The following MYO5B variants were observed in gnomAD, a reference collection of about 807,000 sequenced individuals.
The protein encoded by MYO5B is unconventional myosin-Vb.
Under a neutral mutation model 229.3 loss-of-function variants are expected in MYO5B, and 143 were observed. That is an observed-to-expected ratio of 0.62 (90% CI 0.54 to 0.72). The LOEUF (loss-of-function observed/expected upper bound fraction) is 0.72. MYO5B is among the 30% of genes least tolerant of loss of function. The probability of loss-of-function intolerance (pLI) is 0.00; values close to 1 mark genes in which losing one functional copy is unlikely to be tolerated. For synonymous variants in MYO5B, 918 were observed against 885.2 expected (o/e 1.04, Z -0.66); for missense variants, 2,321 against 2,331.0 (o/e 1.00, Z 0.09).
chr18:50,164,109 C>T (rs1008663072), intron 1 of MYO5B, among the ~76,000 whole-genome samples: 1 of 152,184 alleles, frequency 6.6e-6, no homozygotes, highest in Non-Finnish European at 1.5e-5. Context: ...GACAAGGTAG[C>T]TATCCTGATG....
chr18:50,148,622 C>CA (rs1389298832), intron 1 of MYO5B, among the ~76,000 whole-genome samples: 2 of 152,154 alleles, frequency 1.3e-5, no homozygotes, highest in African/African-American at 4.8e-5. Flanking sequence ...AGGTCTTTGA[C>CA]AAAATTCAAC....
intron 7 of MYO5B, among the ~76,000 whole-genome samples, chr18:49,985,985 C>T (rs923589505): frequency 2.0e-5 from 3 of 152,176 alleles, no homozygotes; most frequent in African/African-American, 4.8e-5. Flanking sequence ...TGCTTCTGCA[C>T]CCGTCCCTTC....
intron 17 of MYO5B, among the ~76,000 whole-genome samples, chr18:49,927,560 A>C (rs1258681160): frequency 2.6e-5 from 4 of 152,240 alleles, no homozygotes; most frequent in African/African-American, 9.6e-5. Flanking sequence ...TGTATAGACC[A>C]ATGGAACAGA....
chr18:50,113,168 A>G (rs2031897039), intron 1 of MYO5B, among the ~76,000 whole-genome samples: 1 of 151,976 alleles, frequency 6.6e-6, no homozygotes, highest in Admixed American at 6.5e-5. Context: ...TCCATTCTCA[A>G]AAAATATTTG....
intron 2 of MYO5B, among the ~76,000 whole-genome samples, chr18:50,054,188 G>A (rs750244107): frequency 2.6e-5 from 4 of 152,052 alleles, no homozygotes; most frequent in Non-Finnish European, 5.9e-5. Context: ...CTTGGTCACC[G>A]CACCCTGAAT....
Position 49,902,661 on chromosome 18 carries a change from T to C in MYO5B, c.2744A>G (p.His915Arg). 3 of 1,613,418 alleles carry C rather than the reference T, an allele frequency of 1.9e-6. No homozygotes were observed. Among genetic ancestry groups the C allele is most frequent in the Non-Finnish European group, 2.5e-6 (3 of 1,180,040 alleles). The change falls in exon 21 of 40, where the codon CAT becomes CGT. Residue 915 changes from histidine (H) to arginine (R), a missense_variant. His to Arg is a conservative substitution (Grantham distance 29). Coordinates refer to ENST00000285039, the MANE Select transcript of MYO5B (RefSeq NM_001080467.3). ...ALRIEARSAE[H>R]LKRLNVGMEN... ...CATGCCCACGTTGAGACGTTTCAGA[T>C]GCTCTGCTGAGCGGGCCTCAATCCT...
chr18:50,142,869 T>C (rs767884046), intron 1 of MYO5B, among the ~76,000 whole-genome samples: 4 of 152,202 alleles, frequency 2.6e-5, no homozygotes, highest in Non-Finnish European at 5.9e-5. Context: ...AACAGCATCA[T>C]TCCAGTCATA....
chr18:50,068,975 CT>C (rs1332671314), intron 1 of MYO5B, among the ~76,000 whole-genome samples: 1 of 152,126 alleles, frequency 6.6e-6, no homozygotes, highest in African/African-American at 2.4e-5. Flanking sequence ...AGGCCTCTCT[CT>C]AATCAGAGAG....
rs1397453076 is a variant in MYO5B, at chr18:50,095,088, A to G, written c.28-39710T>C. On this transcript the variant is annotated intron_variant, in intron 1 of 39. Coordinates refer to ENST00000285039, the MANE Select transcript of MYO5B (RefSeq NM_001080467.3). ...CAAGTAATCCACTGACCTCAACCCCACAAAGTGCTGGGATTACAGGTGTGA... is the reference window on the plus strand; with the variant it reads ...CAAGTAATCCACTGACCTCAACCCCGCAAAGTGCTGGGATTACAGGTGTGA... 2.0e-5 allele frequency among the ~76,000 whole-genome samples: 3 copies of G among 152,134 alleles called. No individual in the cohort carries two copies. The East Asian group carries it at 5.8e-4, about 29-fold the overall frequency.
chr18:49,980,676 TC>T, intron 8 of MYO5B, 123 bp from the exon 9 acceptor site: 1 of 721,790 alleles, frequency 1.4e-6, no homozygotes, highest in Non-Finnish European at 2.5e-6. Flanking sequence ...ACCCGATGAC[TC>T]CTAAAATGAT....
intron 9 of MYO5B, among the ~76,000 whole-genome samples, chr18:49,975,488 C>T (rs1183660040): frequency 1.3e-5 from 2 of 152,168 alleles, no homozygotes; most frequent in East Asian, 3.9e-4. Flanking sequence ...CAAGCAGGCT[C>T]GCTTTCTTCT....
intron 1 of MYO5B, among the ~76,000 whole-genome samples, chr18:50,113,212 C>T (rs184034560): frequency 2.0e-5 from 3 of 152,208 alleles, no homozygotes; most frequent in East Asian, 3.9e-4. Context: ...TTCTAAGTAC[C>T]GGGCATAAAA....
intron 2 of MYO5B, among the ~76,000 whole-genome samples, chr18:50,052,600 A>G (rs2030426196): frequency 6.7e-6 from 1 of 149,764 alleles, no homozygotes; most frequent in African/African-American, 2.5e-5. Flanking sequence ...GATATACCTA[A>G]TGCTAATTGA....
Position 49,983,381 on chromosome 18 carries a change from T to C in MYO5B, c.946+1337A>G, listed in dbSNP as rs534881269. Among the ~76,000 whole-genome samples the C allele has an allele frequency of 4.2e-4, 64 of 152,208 alleles. 1 individual carries two copies. The highest frequency in any genetic ancestry group is 7.9e-4 in the Non-Finnish European group (54 of 68,028). On this transcript the variant is annotated intron_variant, in intron 8 of 39. Transcript: ENST00000285039. ...CTCAGACCTGTCTCCCCATCAGCAG[T>C]GGCTTCTGAGCAGTTCTGGCCCCCT...
At chr18:50,072,122 A>G (rs927739147) in intron 1 of MYO5B, among the ~76,000 whole-genome samples, 1 of 152,158 alleles carries the variant, frequency 6.6e-6, no homozygotes, top group Non-Finnish European at 1.5e-5. Flanking sequence ...TTCAGAAAAC[A>G]CTGATCTCAG....
intron 15 of MYO5B, 103 bp downstream of exon 15, chr18:49,937,142 G>C (rs1231191368): frequency 1.4e-6 from 2 of 1,412,548 alleles, no homozygotes; most frequent in African/African-American, 1.4e-5. Context: ...TGATGTCAAG[G>C]CTGCTGTGAT....
chr18:49,829,808 T>C (rs2023892018), intron 39 of MYO5B, among the ~76,000 whole-genome samples: 1 of 152,172 alleles, frequency 6.6e-6, no homozygotes, highest in African/African-American at 2.4e-5. Context: ...TCAATCAATG[T>C]AATATACCAC....
chr18:49,933,087 A>C (rs185695575), intron 16 of MYO5B, among the ~76,000 whole-genome samples: 2 of 152,010 alleles, frequency 1.3e-5, no homozygotes, highest in East Asian at 3.9e-4. Flanking sequence ...ACCGAGCCCT[A>C]CCTCCACAAT....
At position 50,086,777 on chromosome 18, in the gene MYO5B, C is replaced by T. The variant is rs530203367; in HGVS notation, c.28-31399G>A. The stretch of plus-strand genomic sequence containing the variant: ...AGACTTAAGAAATAGGCTTAGAAGT[C>T]TTCTGCTTACAGGCGGAGGGTGATG... On this transcript the variant is annotated intron_variant, in intron 1 of 39. Transcript: ENST00000285039. 1.5e-4 allele frequency among the ~76,000 whole-genome samples: 23 copies of T among 152,268 alleles called. No individual in the cohort carries two copies. In the South Asian group the frequency reaches 1.7e-3, roughly 11 times the overall value.
Sources: gnomAD v4.1 joint callset for allele counts (sites outside exome capture counted in the v4.1 genomes callset) on GRCh38, gnomAD v4.1.1 for gene constraint, MANE v1.5 for transcripts, NCBI Gene and HGNC (gene_info 2026-07-23, HGNC 2026-07-21) for gene names.